KCNIP4: variants seen among roughly 807,000 people sequenced by gnomAD.
KCNIP4 encodes the protein Kv channel-interacting protein 4.
A neutral mutation model predicts 34.0 loss-of-function variants in KCNIP4; 12 were observed. The observed-to-expected ratio is 0.35, with a 90% confidence interval of 0.23 to 0.57. The LOEUF is 0.57. KCNIP4 is among the 20% of genes least tolerant of loss of function. The pLI is 0.83. For missense variants in KCNIP4, 238 were observed against 311.7 expected, an observed-to-expected ratio of 0.76 and a Z score of 1.78; for synonymous variants, 124 against 102.2, an observed-to-expected ratio of 1.21 and a Z score of -1.29.
intron 1 of KCNIP4, among the ~76,000 whole-genome samples, chr4:21,925,907 T>C (rs1410664836): frequency 6.6e-6 from 1 of 152,166 alleles, no homozygotes; most frequent in Non-Finnish European, 1.5e-5. Flanking sequence ...AGACCTAGGT[T>C]GGAGCCCCAT....
chr4:21,200,313 T>A (rs58267048), intron 1 of KCNIP4, among the ~76,000 whole-genome samples: 1 of 135,172 alleles, frequency 7.4e-6, no homozygotes, highest in African/African-American at 2.9e-5. Context: ...TATATATACA[T>A]ACATATATGT....
intron 1 of KCNIP4, among the ~76,000 whole-genome samples, chr4:21,670,316 C>T (rs1749372156): frequency 6.7e-6 from 1 of 149,850 alleles, no homozygotes; most frequent in Non-Finnish European, 1.5e-5. Flanking sequence ...TAAACTATCG[C>T]AAGAACAAAA....
chr4:21,927,523 A>G (rs1302497845), intron 1 of KCNIP4, among the ~76,000 whole-genome samples: 19 of 152,156 alleles, frequency 1.2e-4, no homozygotes, highest in Admixed American at 1.2e-3. Context: ...ATTAGAGCGC[A>G]AAAGTGAGAG....
intron 1 of KCNIP4, among the ~76,000 whole-genome samples, chr4:21,893,706 A>G (rs926903775): frequency 1.3e-5 from 2 of 152,158 alleles, no homozygotes; most frequent in African/African-American, 4.8e-5. Flanking sequence ...TTGAGACTAG[A>G]TCATTTCCTA....
chr4:21,411,327 A>G (rs565062402), intron 1 of KCNIP4, among the ~76,000 whole-genome samples: 12 of 152,284 alleles, frequency 7.9e-5, no homozygotes, highest in Non-Finnish European at 4.4e-5. Flanking sequence ...AGTGAGGGCC[A>G]TTGATCAATA....
chr4:20,743,364 A>T (rs1015192826), intron 5 of KCNIP4, among the ~76,000 whole-genome samples: 10 of 152,222 alleles, frequency 6.6e-5, no homozygotes, highest in Non-Finnish European at 1.2e-4. Context: ...GCCTGACTTC[A>T]AACTATACTA....
At chr4:21,798,393 AC>A (rs200310078) in intron 1 of KCNIP4, among the ~76,000 whole-genome samples, 1,613 of 79,798 alleles carry the variant, frequency 0.02, 29 homozygotes, top group African/African-American at 0.072. Flanking sequence ...TTCCACACAC[AC>A]AAAAAAATAC....
intron 1 of KCNIP4, among the ~76,000 whole-genome samples, chr4:21,736,580 C>T (rs886623787): frequency 6.6e-6 from 1 of 152,128 alleles, no homozygotes; most frequent in Non-Finnish European, 1.5e-5. Flanking sequence ...GCTATCATCC[C>T]ATTCCTCGTT....
At chr4:20,837,979 C>T (rs1212584368) in intron 3 of KCNIP4, among the ~76,000 whole-genome samples, 1 of 151,850 alleles carries the variant, frequency 6.6e-6, no homozygotes, top group East Asian at 1.9e-4. Flanking sequence ...CATGAGACAC[C>T]ACGCCCGGCC....
intron 1 of KCNIP4, among the ~76,000 whole-genome samples, chr4:21,489,285 C>A (rs1397352123): frequency 5.5e-5 from 8 of 144,174 alleles, no homozygotes; most frequent in African/African-American, 1.5e-4. Flanking sequence ...GAGAGAATCC[C>A]AGCCACATAA....
At chr4:21,303,093 T>C (rs1445540375) in intron 1 of KCNIP4, among the ~76,000 whole-genome samples, 1 of 152,188 alleles carries the variant, frequency 6.6e-6, no homozygotes. Context: ...GAGAAACATT[T>C]AATTTAGGAA....
chr4:20,785,214 T>C (rs1711799697), intron 3 of KCNIP4, among the ~76,000 whole-genome samples: 1 of 152,096 alleles, frequency 6.6e-6, no homozygotes, highest in African/African-American at 2.4e-5. Flanking sequence ...TACCAGTCTA[T>C]GAGGCTGGAC....
intron 1 of KCNIP4, among the ~76,000 whole-genome samples, chr4:21,361,266 T>C (rs184996375): frequency 3.1e-3 from 469 of 152,146 alleles, no homozygotes; most frequent in Admixed American, 8.3e-3. Context: ...AGATTCTCCA[T>C]CTATAAAATG....
chr4:21,513,759 ATTG>A (rs1233720497), intron 1 of KCNIP4, among the ~76,000 whole-genome samples: 2 of 152,068 alleles, frequency 1.3e-5, no homozygotes, highest in Non-Finnish European at 2.9e-5. Context: ...TTGCTACTTT[ATTG>A]TTTTTAGTTA....
At chr4:21,521,447 A>C (rs1460495) in intron 1 of KCNIP4, among the ~76,000 whole-genome samples, 12,661 of 152,004 alleles carry the variant, frequency 0.083, 886 homozygotes, top group Admixed American at 0.18. Context: ...TTTTTCTTTG[A>C]TCTCTCTACT....
chr4:21,755,148 TAGAA>T (rs1355901992), intron 1 of KCNIP4, among the ~76,000 whole-genome samples: 1 of 151,920 alleles, frequency 6.6e-6, no homozygotes, highest in African/African-American at 2.4e-5. Flanking sequence ...CAAAAAGAAA[TAGAA>T]AGAAAGAACA....
At chr4:21,102,456 G>T (rs1748034583) in intron 1 of KCNIP4, among the ~76,000 whole-genome samples, 1 of 152,052 alleles carries the variant, frequency 6.6e-6, no homozygotes, top group Non-Finnish European at 1.5e-5. Context: ...GGCCAGCCTT[G>T]GACATAATGA....
chr4:21,565,593 C>T, intron 1 of KCNIP4, among the ~76,000 whole-genome samples: 1 of 152,112 alleles, frequency 6.6e-6, no homozygotes, highest in East Asian at 1.9e-4. Flanking sequence ...TCATGTTTTA[C>T]ATCCACATAG....
intron 1 of KCNIP4, among the ~76,000 whole-genome samples, chr4:21,499,203 C>T (rs377604649): frequency 2.6e-5 from 4 of 151,724 alleles, no homozygotes; most frequent in Admixed American, 1.3e-4. Flanking sequence ...TGGTGGCATG[C>T]GCCTGTAATC....
Sources: gnomAD v4.1 joint callset for allele counts (sites outside exome capture counted in the v4.1 genomes callset) on GRCh38, gnomAD v4.1.1 for gene constraint, MANE v1.5 for transcripts, NCBI Gene and HGNC (gene_info 2026-07-23, HGNC 2026-07-21) for gene names.